Variants in TLR8 observed in about 807,000 individuals in gnomAD.
TLR8 encodes toll like receptor 8.
In TLR8, 5 loss-of-function variants were observed where a neutral mutation model predicts 18.5. The observed-to-expected ratio is 0.27, with a 90% CI of 0.14 to 0.57. TLR8 has a LOEUF of 0.57. Among genes scored for constraint, TLR8 ranks in the 20% least tolerant of loss-of-function variants. TLR8 has a pLI of 0.92. For synonymous variants in TLR8, 299 were observed against 300.1 expected, an observed-to-expected ratio of 1.00 and a Z score of 0.04; for missense variants, 543 against 769.8, an observed-to-expected ratio of 0.71 and a Z score of 3.49.
At chrX:12,907,873 G>A (rs749051339) in intron 1 of TLR8, among the ~76,000 whole-genome samples, 14 of 111,372 alleles carry the variant, frequency 1.3e-4, no homozygotes, top group East Asian at 2.8e-4. Context: ...GGATCTTGAA[G>A]GTAAATTAAT....
Position 12,920,346 on chromosome X carries a change from G to C in TLR8, c.1306G>C (p.Asp436His). ...SENRISPLVKDTRQSYANSSS... is the reference protein window; with the variant it reads ...SENRISPLVKHTRQSYANSSS... ...AAACAGAATATCACCGTTGGTAAAA[G>C]ATACCCGGCAGAGTTATGCAAATAG... The change falls in exon 2 of 2, where the codon GAT becomes CAT. Residue 436 changes from aspartate to histidine, a missense_variant. By Grantham distance (81) the Asp-to-His change is moderately conservative. Around this residue, in one of 4 missense-constraint regions of TLR8, gnomAD observed 185 missense variants for 298.9 expected, o/e 0.62. Transcript: ENST00000218032. The C allele has an allele frequency of 8.3e-7, 1 of 1,211,026 alleles. No individual in the cohort carries two copies. The highest frequency in any genetic ancestry group is 1.1e-6 in the Non-Finnish European group (1 of 895,160).
intron 1 of TLR8, among the ~76,000 whole-genome samples, chrX:12,916,026 C>A (rs1004620460): frequency 1.8e-5 from 2 of 110,977 alleles, no homozygotes; most frequent in South Asian, 3.8e-4. Context: ...GGATTATAGT[C>A]ATGCACCACC....
At chrX:12,909,845 G>A (rs2043008920) in intron 1 of TLR8, among the ~76,000 whole-genome samples, 1 of 111,929 alleles carries the variant, frequency 8.9e-6, no homozygotes, top group Admixed American at 9.4e-5. Flanking sequence ...GGGGCCTCAT[G>A]GACTTCTTTG....
intron 1 of TLR8, 128 bp from the exon 2 acceptor site, chrX:12,918,916 T>C (rs1302528017): frequency 1.4e-6 from 1 of 731,815 alleles, no homozygotes; most frequent in Non-Finnish European, 2.0e-6. Flanking sequence ...ATGCAATTTA[T>C]TTAATTGTTA....
At position 12,921,649 on chromosome X, in the gene TLR8, A is replaced by C. The variant is rs745595672; in HGVS notation, c.2609A>C (p.Tyr870Ser). 1.7e-6 allele frequency: 2 copies of C among 1,211,846 alleles called. No homozygotes were observed. The highest frequency in any genetic ancestry group is 2.2e-6 in the Non-Finnish European group (2 of 895,386). ...YNVCLAKVKG[Y>S]RSLSTSQTFY... Reference sequence around the variant, plus strand: ...GTGTGTTTAGCTAAGGTAAAAGGCTACAGGTCTCTTTCCACATCCCAAACT... The same window carrying C: ...GTGTGTTTAGCTAAGGTAAAAGGCTCCAGGTCTCTTTCCACATCCCAAACT... The change falls in exon 2 of 2, where the codon TAC becomes TCC. Residue 870 changes from tyrosine to serine, a missense_variant. Coordinates refer to ENST00000218032, the MANE Select transcript of TLR8 (RefSeq NM_138636.5).
intron 1 of TLR8, among the ~76,000 whole-genome samples, chrX:12,917,492 T>G (rs944962195): frequency 1.8e-5 from 2 of 112,488 alleles, no homozygotes; most frequent in African/African-American, 6.5e-5. Context: ...AAAAAGGCAC[T>G]TATCTGGTTT....
At chrX:12,906,992 A>G (rs1175861002) in intron 1 of TLR8, among the ~76,000 whole-genome samples, 3 of 112,499 alleles carry the variant, frequency 2.7e-5, no homozygotes, top group Admixed American at 1.9e-4. Flanking sequence ...ATTTCAAGTT[A>G]GAAATTGAAC....
In TLR8 at chrX:12,920,297, T is replaced by C; in HGVS notation, c.1257T>C (p.Asn419=). 4.1e-6 allele frequency: 5 copies of C among 1,208,903 alleles called. No homozygotes were observed. The highest frequency in any genetic ancestry group is 4.5e-6 in the Non-Finnish European group (4 of 894,331). ...IDFKLFQNFS[N]LEIIYLSENR... Reference sequence around the variant, plus strand: ...TCAAACTTTTCCAAAATTTCTCCAATCTGGAAATTATTTACTTGTCAGAAA... The same window carrying C: ...TCAAACTTTTCCAAAATTTCTCCAACCTGGAAATTATTTACTTGTCAGAAA... The change falls in exon 2 of 2, where the codon AAT becomes AAC. Residue 419 remains asparagine, a synonymous_variant. Transcript: ENST00000218032.
intron 1 of TLR8, chrX:12,910,314 G>A (rs1434747690): frequency 8.7e-7 from 1 of 1,150,560 alleles, no homozygotes; most frequent in Non-Finnish European, 1.2e-6. Flanking sequence ...AGGTTCTCTT[G>A]ACACTTCAGT....
intron 1 of TLR8, among the ~76,000 whole-genome samples, chrX:12,917,618 A>G (rs2043064256): frequency 8.9e-6 from 1 of 112,273 alleles, no homozygotes; most frequent in African/African-American, 3.2e-5. Context: ...AACCTACCAC[A>G]TTAATCTGTT....
intron 1 of TLR8, among the ~76,000 whole-genome samples, chrX:12,917,686 A>C (rs1049959889): frequency 1.8e-5 from 2 of 112,344 alleles, no homozygotes; most frequent in South Asian, 7.3e-4. Flanking sequence ...ATTAAGAAAC[A>C]GTTACAGAAA....
intron 1 of TLR8, among the ~76,000 whole-genome samples, chrX:12,909,179 C>G (rs1297089923): frequency 8.9e-6 from 1 of 112,266 alleles, no homozygotes; most frequent in Non-Finnish European, 1.9e-5. Flanking sequence ...TAGGACTACT[C>G]AAGACCATAG....
At chrX:12,918,444 T>C (rs1478276074) in intron 1 of TLR8, among the ~76,000 whole-genome samples, 1 of 112,126 alleles carries the variant, frequency 8.9e-6, no homozygotes. Flanking sequence ...AGACTCATTA[T>C]GGTGGTGGAG....
At chrX:12,917,590 A>G (rs541838043) in intron 1 of TLR8, among the ~76,000 whole-genome samples, 1 of 112,362 alleles carries the variant, frequency 8.9e-6, no homozygotes, top group African/African-American at 3.2e-5. Context: ...GAGTTCTCTT[A>G]ATTACAACCC....
chrX:12,910,198 G>C, intron 1 of TLR8: 1 of 692,615 alleles, frequency 1.4e-6, no homozygotes, highest in Non-Finnish European at 2.1e-6. Flanking sequence ...TCAAAAATTA[G>C]AACTATTTCC....
chrX:12,916,100 C>T (rs893958009), intron 1 of TLR8, among the ~76,000 whole-genome samples: 2 of 111,344 alleles, frequency 1.8e-5, no homozygotes, highest in South Asian at 3.8e-4. Context: ...AGGCTGGTCT[C>T]GAACTCCCGA....
Position 12,922,554 on chromosome X carries a change from C to A in TLR8, c.*388C>A, listed in dbSNP as rs1191633446. The A allele has an allele frequency of 7.3e-6, 1 of 136,193 alleles. No homozygotes were observed. Among genetic ancestry groups the A allele is most frequent in the Admixed American group, 8.3e-5 (1 of 12,040 alleles). 11.2% of individuals were successfully genotyped at this position (136,193 alleles called of 1,213,427 possible). A position where few individuals can be genotyped will look rare whatever the true frequency, so the allele number is the denominator to read the frequency against. On this transcript the variant is annotated 3_prime_UTR_variant, in exon 2 of 2. Transcript: ENST00000218032. ...AGAGGTTGCTAGCAAGATGAAGTCA[C>A]AATCTTTTGTAATCGAATCAAAAAA... is the stretch of plus-strand genomic sequence containing the variant.
At chrX:12,918,087 T>C (rs1395109984) in intron 1 of TLR8, among the ~76,000 whole-genome samples, 1 of 112,371 alleles carries the variant, frequency 8.9e-6, no homozygotes, top group Non-Finnish European at 1.9e-5. Context: ...TTAATGTGGG[T>C]GATGAAATGT....
At chrX:12,906,857 A>G in intron 1 of TLR8, 148 bp downstream of exon 1, 1 of 447,766 alleles carries the variant, frequency 2.2e-6, no homozygotes, top group Non-Finnish European at 3.4e-6. Flanking sequence ...ACAACTGTAA[A>G]TGCAGGTAAA....
Sources: allele counts gnomAD v4.1 joint callset (sites outside exome capture counted in the v4.1 genomes callset), GRCh38; gene constraint gnomAD v4.1.1; regional missense constraint gnomAD v4.1.1; transcripts MANE v1.5; gene names NCBI Gene and HGNC (gene_info 2026-07-23, HGNC 2026-07-21).